Variants in RDH11 observed in about 807,000 individuals in gnomAD.
RDH11 encodes the protein HCV core-binding protein HCBP12.
A neutral mutation model predicts 33.4 loss-of-function variants in RDH11; 19 were observed. The observed-to-expected ratio is 0.57, with a 90% CI of 0.40 to 0.83. RDH11 has a LOEUF of 0.83. RDH11 is among the 40% of genes least tolerant of loss of function. The probability of loss-of-function intolerance (pLI) is 0.00; values close to 1 mark genes in which losing one functional copy is unlikely to be tolerated. For synonymous variants in RDH11, 154 were observed against 155.3 expected, an observed-to-expected ratio of 0.99 and a Z score of 0.06; for missense variants, 353 against 389.0, an observed-to-expected ratio of 0.91 and a Z score of 0.78.
In RDH11 at chr14:67,685,868, G is replaced by A. The variant is rs1009457301; in HGVS notation, c.665-664C>T. On this transcript the variant is annotated intron_variant, in intron 5 of 6. Transcript: ENST00000381346. Reference sequence around the variant, plus strand: ...TGACTTCAAGTGATCTGCCCACCTCGGCCTCCCAAAGTGCTGGGATTACAG... The same window carrying A: ...TGACTTCAAGTGATCTGCCCACCTCAGCCTCCCAAAGTGCTGGGATTACAG... 3.9e-5 allele frequency among the ~76,000 whole-genome samples: 6 copies of A among 152,034 alleles called. No homozygotes were observed. In the East Asian group the frequency reaches 1.2e-3, roughly 29 times the overall value.
In RDH11 at chr14:67,695,727, G is replaced by C. The variant is rs774179258; in HGVS notation, c.-24C>G. The C allele has an allele frequency of 1.5e-5, 24 of 1,611,296 alleles. No homozygotes were observed. The Admixed American group carries it at 1.7e-4, about 11-fold the overall frequency. On this transcript the variant is annotated 5_prime_UTR_variant, in exon 1 of 7. Coordinates refer to ENST00000381346, the MANE Select transcript of RDH11 (RefSeq NM_016026.4). ...ATCTCTGCCGGCTGCAGCGGCACCA[G>C]AGCGGGATGCTCCAGCGTTGCTCGC...
At chr14:67,691,301 G>A (rs918462154) in intron 3 of RDH11, 57 bp from the exon 4 acceptor site, 10 of 1,186,622 alleles carry the variant, frequency 8.4e-6, no homozygotes, top group Middle Eastern at 1.9e-4. Flanking sequence ...TTACATCTTA[G>A]AAAGCTGCCT....
At chr14:67,687,268 C>T (rs1265399173) in intron 5 of RDH11, among the ~76,000 whole-genome samples, 1 of 152,126 alleles carries the variant, frequency 6.6e-6, no homozygotes, top group East Asian at 1.9e-4. Context: ...TTTCCCATTG[C>T]TCTTAGAATA....
intron 6 of RDH11, among the ~76,000 whole-genome samples, chr14:67,679,489 C>T (rs1174279579): frequency 6.6e-6 from 1 of 151,826 alleles, no homozygotes; most frequent in African/African-American, 2.4e-5. Flanking sequence ...CTGCAACCTC[C>T]GCCTCCCAGG....
At position 67,693,032 on chromosome 14, in the gene RDH11, AC is replaced by A; in HGVS notation, c.94del (p.Val32CysfsTer12). 1 of 1,612,780 alleles carries A rather than the reference AC, an allele frequency of 6.2e-7. No homozygotes were observed. Among genetic ancestry groups the A allele is most frequent in the Non-Finnish European group, 8.5e-7 (1 of 1,179,180 alleles). ...AGGAAGCTGAACAGTTGATGTACAC[AC>A]CCCACTGGACAGCATTTTCCTGCAG... Reference protein sequence around the residue: ...PQIRKMLSSGVCTSTVQLPGK... With the variant: ...PQIRKMLSSGXCTSTVQLPGK... On this transcript the variant is annotated frameshift_variant, in exon 2 of 7. Transcript: ENST00000381346. LOFTEE classifies it high-confidence loss of function.
At position 67,685,109 on chromosome 14, in the gene RDH11, A is replaced by G. The variant is rs1482603637; in HGVS notation, c.760T>C (p.Ser254Pro). 1 of 1,614,182 alleles carries G rather than the reference A, an allele frequency of 6.2e-7. No individual in the cohort carries two copies. The highest frequency in any genetic ancestry group is 8.5e-7 in the Non-Finnish European group (1 of 1,180,024). The part of the protein sequence containing the change: ...SFMRWMWWLF[S>P]FFIKTPQQGA... ...TGCTGAGGAGTCTTGATGAAAAAGG[A>G]GAAAAGCCACCACATCCATCTCATG... Residue 254 changes from serine (S) to proline (P), a missense_variant, in exon 6 of 7, where the codon TCC (serine) becomes CCC (proline). Coordinates refer to ENST00000381346, the MANE Select transcript of RDH11 (RefSeq NM_016026.4).
chr14:67,691,638 A>G (rs1354937781), intron 3 of RDH11: 4 of 169,786 alleles, frequency 2.4e-5, no homozygotes, highest in Non-Finnish European at 5.0e-5. Flanking sequence ...AAAGAAATAA[A>G]TACTGGCTTC....
Position 67,677,372 on chromosome 14 carries a change from T to TTTTG in RDH11, c.*948_*949insCAAA, listed in dbSNP as rs1315299273. ...TTTGTTTGTTTTTAGGATTTTTTTT[T>TTTTG]TTTTTTTTTTTTTTTTTTTTGCCAC... On this transcript the variant is annotated 3_prime_UTR_variant, in exon 7 of 7. Coordinates refer to ENST00000381346, the MANE Select transcript of RDH11 (RefSeq NM_016026.4). 1.1e-4 allele frequency: 16 copies of TTTTG among 139,158 alleles called. No individual in the cohort carries two copies. Among genetic ancestry groups the TTTTG allele is most frequent in the Admixed American group, 1.4e-4 (2 of 13,832 alleles). 8.6% of individuals were successfully genotyped at this position (139,158 alleles called of 1,614,324 possible).
chr14:67,688,585 T>C (rs889092659), intron 5 of RDH11, among the ~76,000 whole-genome samples: 3 of 150,642 alleles, frequency 2.0e-5, no homozygotes, highest in African/African-American at 4.8e-5. Flanking sequence ...CATACTTCCA[T>C]ATGCTTTGAA....
Position 67,677,287 on chromosome 14 carries a change from C to T in RDH11, c.*1034G>A, listed in dbSNP as rs960279086. On this transcript the variant is annotated 3_prime_UTR_variant, in exon 7 of 7. Transcript: ENST00000381346. ...ATGCCCCAAAATATTATTAAATTGA[C>T]CATAATTACCAATATCAGTCCCTAA... is the stretch of plus-strand genomic sequence containing the variant. The T allele has an allele frequency of 6.6e-6, 1 of 150,632 alleles. No individual in the cohort carries two copies. Among genetic ancestry groups the T allele is most frequent in the Non-Finnish European group, 1.5e-5 (1 of 67,858 alleles). The allele number at this position is 150,632 out of a possible 1,614,324, so 9.3% of individuals were successfully genotyped here.
intron 6 of RDH11, among the ~76,000 whole-genome samples, chr14:67,679,935 G>A (rs1017315101): frequency 3.3e-5 from 5 of 152,168 alleles, no homozygotes; most frequent in African/African-American, 1.2e-4. Flanking sequence ...AATTCTGAAG[G>A]TGAAAGAGTT....
chr14:67,690,050 C>T (rs1594851621), intron 5 of RDH11, 162 bp downstream of exon 5: 1 of 616,158 alleles, frequency 1.6e-6, no homozygotes, highest in East Asian at 2.8e-5. Context: ...AGCCAGCCAC[C>T]TCCAATATTC....
At chr14:67,694,275 TC>T (rs1005326774) in intron 1 of RDH11, among the ~76,000 whole-genome samples, 8 of 151,930 alleles carry the variant, frequency 5.3e-5, no homozygotes, top group Non-Finnish European at 1.2e-4. Flanking sequence ...GTTTCCCACA[TC>T]CCCTTACTGT....
chr14:67,676,846 A>G lies in RDH11; in HGVS notation c.*1475T>C, dbSNP rs2037546169. On this transcript the variant is annotated 3_prime_UTR_variant, in exon 7 of 7. Coordinates refer to ENST00000381346, the MANE Select transcript of RDH11 (RefSeq NM_016026.4). ...TAATTCTTAGTTTTTATTCTGGTAA[A>G]TGAAAACAAAAAATAATCAAAAAGA... 6.6e-6 allele frequency: 1 copy of G among 152,222 alleles called. No homozygotes were observed. Among genetic ancestry groups the G allele is most frequent in the African/African-American group, 2.4e-5 (1 of 41,462 alleles). The allele number at this position is 152,222 out of a possible 1,614,324, so 9.4% of individuals were successfully genotyped here.
At chr14:67,687,782 T>C (rs80235331) in intron 5 of RDH11, among the ~76,000 whole-genome samples, 1 of 148,584 alleles carries the variant, frequency 6.7e-6, no homozygotes, top group Non-Finnish European at 1.5e-5. Context: ...TTTTTTTTTT[T>C]CATTTTTTCA....
Position 67,692,428 on chromosome 14 carries a change from C to T in RDH11, c.349+10G>A. On this transcript the variant is annotated intron_variant, in intron 3 of 6. Coordinates refer to ENST00000381346, the MANE Select transcript of RDH11 (RefSeq NM_016026.4). ...GACCCACAACATAGTCTCTCTAGTT[C>T]TACACTTACCAGCTAAGAAGCCCTT... The T allele has an allele frequency of 1.2e-6, 2 of 1,614,042 alleles. No homozygotes were observed. The highest frequency in any genetic ancestry group is 1.7e-6 in the Non-Finnish European group (2 of 1,179,956).
At chr14:67,688,511 T>C (rs1212047814) in intron 5 of RDH11, among the ~76,000 whole-genome samples, 1 of 151,932 alleles carries the variant, frequency 6.6e-6, no homozygotes, top group Non-Finnish European at 1.5e-5. Context: ...ATAATGGTCA[T>C]ATGAAGGGAG....
At chr14:67,682,804 C>A (rs2037630529) in intron 6 of RDH11, among the ~76,000 whole-genome samples, 1 of 152,182 alleles carries the variant, frequency 6.6e-6, no homozygotes, top group Admixed American at 6.5e-5. Flanking sequence ...CAGTATTATT[C>A]AAATAGCTAA....
chr14:67,695,382 CAAAAG>C (rs2037817240), intron 1 of RDH11, among the ~76,000 whole-genome samples: 1 of 152,114 alleles, frequency 6.6e-6, no homozygotes, highest in African/African-American at 2.4e-5. Flanking sequence ...GGTGCTTAGA[CAAAAG>C]AAAAACAGGC....
Sources: gnomAD v4.1 joint callset for allele counts (sites outside exome capture counted in the v4.1 genomes callset) on GRCh38, gnomAD v4.1.1 for gene constraint, MANE v1.5 for transcripts, NCBI Gene and HGNC (gene_info 2026-07-23, HGNC 2026-07-21) for gene names.